EPC1: variants seen among roughly 807,000 people sequenced by gnomAD.
The protein encoded by EPC1 is enhancer of polycomb homolog 1.
EPC1 carries 12 observed loss-of-function variants against 98.4 expected under a neutral mutation model. That is an observed-to-expected ratio of 0.12 (90% confidence interval 0.08 to 0.20). The LOEUF (loss-of-function observed/expected upper bound fraction) is 0.20. Ranked by LOEUF, EPC1 falls within the 10% of genes least tolerant of loss-of-function variation. EPC1 has a pLI of 1.00. For synonymous variants in EPC1, 357 were observed against 363.9 expected (o/e 0.98, Z 0.21); for missense variants, 729 against 990.5 (o/e 0.74, Z 3.54).
chr10:32,309,369 CT>C (rs754879334), intron 1 of EPC1, among the ~76,000 whole-genome samples: 25 of 151,916 alleles, frequency 1.6e-4, no homozygotes, highest in Non-Finnish European at 3.7e-4. Context: ...TTGTATGCCC[CT>C]ATCAAAACAT....
chr10:32,271,960 T>C (rs755538367), intron 12 of EPC1, 43 bp from the exon 13 acceptor site: 10 of 1,600,864 alleles, frequency 6.2e-6, no homozygotes, highest in Admixed American at 3.5e-5. Context: ...TGTACAACTT[T>C]GCTGTTTATA....
In EPC1 at chr10:32,301,038, A is replaced by ATATTTATT. The variant is rs71299736; in HGVS notation, c.313+4733_313+4734insAATAAATA. 1.3e-3 allele frequency among the ~76,000 whole-genome samples: 189 copies of ATATTTATT among 143,106 alleles called. 2 individuals are homozygous for ATATTTATT. Among genetic ancestry groups the ATATTTATT allele is most frequent in the African/African-American group, 4.8e-3 (179 of 37,326 alleles). The allele number at this position is 143,106 out of a possible 152,430, so 93.9% of individuals were successfully genotyped here. A position where few individuals can be genotyped will look rare whatever the true frequency, so the allele number is the denominator to read the frequency against. ...AGAGGAAAGAATTAGAAGCACATTT[A>ATATTTATT]TATCTATCTATCTATCTATCTATCT... On this transcript the variant is annotated intron_variant, in intron 2 of 13. Coordinates refer to ENST00000319778, the MANE Select transcript of EPC1 (RefSeq NM_001272004.3).
At chr10:32,359,802 T>G (rs189042480) in intron 1 of EPC1, among the ~76,000 whole-genome samples, 15 of 152,332 alleles carry the variant, frequency 9.8e-5, no homozygotes, top group African/African-American at 3.6e-4. Flanking sequence ...ATAAAATTAA[T>G]TTATTTAAAA....
In EPC1 at chr10:32,343,543, T is replaced by C. The variant is rs140661364; in HGVS notation, c.153+3220A>G. 2.0e-3 allele frequency among the ~76,000 whole-genome samples: 304 copies of C among 152,336 alleles called. 2 individuals carry two copies. Among genetic ancestry groups the C allele is most frequent in the African/African-American group, 6.8e-3 (284 of 41,580 alleles). ...TACTTTCAGACTTAGCAAATTTCGA[T>C]GCATTACATTCTGCGAATTCACATT... On this transcript the variant is annotated intron_variant, in intron 1 of 13. Transcript: ENST00000319778.
intron 1 of EPC1, 88 bp downstream of exon 1, chr10:32,346,675 T>C: frequency 7.9e-7 from 1 of 1,270,662 alleles, no homozygotes; most frequent in East Asian, 2.4e-5. Context: ...ATGGCGGCCA[T>C]TTTGTGTGGG....
In EPC1 at chr10:32,271,898, G is replaced by A. The variant is rs1835864805; in HGVS notation, c.2025C>T (p.His675=). ...LPASGVYKGL[H]LSSTTPTALV... ...GTGCTGTTGGTGTAGTACTACTGAG[G>A]TGTAAGCCCTTGTATACTCCTAGAG... The change falls in exon 13 of 14, where the codon CAC becomes CAT. Residue 675 remains histidine, a synonymous_variant. Coordinates refer to ENST00000319778, the MANE Select transcript of EPC1 (RefSeq NM_001272004.3). 12 of 1,613,870 alleles carry A rather than the reference G, an allele frequency of 7.4e-6. No homozygotes were observed. The highest frequency in any genetic ancestry group is 1.0e-5 in the Non-Finnish European group (12 of 1,179,870).
chr10:32,308,392 A>AG (rs1324183464), intron 1 of EPC1, among the ~76,000 whole-genome samples: 1 of 151,858 alleles, frequency 6.6e-6, no homozygotes, highest in African/African-American at 2.4e-5. Flanking sequence ...TCTCAAAAAA[A>AG]AAAAGCATAC....
chr10:32,290,861 A>G (rs888974310), intron 6 of EPC1, among the ~76,000 whole-genome samples: 2 of 150,676 alleles, frequency 1.3e-5, no homozygotes, highest in African/African-American at 4.9e-5. Flanking sequence ...TGCAACCTCC[A>G]CCTCCTGGAT....
intron 10 of EPC1, chr10:32,282,692 T>C (rs914350578): frequency 2.0e-5 from 3 of 152,194 alleles, no homozygotes; most frequent in Admixed American, 2.0e-4. Flanking sequence ...TTAATATGCC[T>C]AAAGCAGTAT....
chr10:32,325,731 A>G (rs1222240091), intron 1 of EPC1, among the ~76,000 whole-genome samples: 2 of 152,130 alleles, frequency 1.3e-5, no homozygotes, highest in Non-Finnish European at 2.9e-5. Flanking sequence ...AAAAAGAGTA[A>G]TCACAATCTC....
intron 1 of EPC1, among the ~76,000 whole-genome samples, chr10:32,317,183 G>C (rs1171120725): frequency 6.6e-6 from 1 of 152,174 alleles, no homozygotes; most frequent in East Asian, 1.9e-4. Flanking sequence ...GAAGGTAGGA[G>C]TGAGATTTTT....
intron 1 of EPC1, chr10:32,377,370 A>G (rs775178089): frequency 6.6e-6 from 1 of 152,360 alleles, no homozygotes; most frequent in Non-Finnish European, 1.5e-5. Context: ...AAACTCAGAC[A>G]TTTGGTTAAA....
At chr10:32,292,294 A>C in intron 5 of EPC1, 1 of 360,084 alleles carries the variant, frequency 2.8e-6, no homozygotes, top group Non-Finnish European at 4.8e-6. Flanking sequence ...GTATGTTTTA[A>C]CTTAAGTGAA....
At chr10:32,323,209 T>A (rs1458149205) in intron 1 of EPC1, among the ~76,000 whole-genome samples, 1 of 152,158 alleles carries the variant, frequency 6.6e-6, no homozygotes, top group Non-Finnish European at 1.5e-5. Context: ...ATCTTACAGG[T>A]TTTTCTTCCT....
chr10:32,336,077 T>TC (rs112423697), intron 1 of EPC1, among the ~76,000 whole-genome samples: 2,960 of 151,686 alleles, frequency 0.02, 113 homozygotes, highest in African/African-American at 0.068. Context: ...CTTTTTTTTT[T>TC]TTTTTTTTGA....
upstream of EPC1, among the ~76,000 whole-genome samples, chr10:32,350,635 G>T (rs954322751): frequency 2.6e-5 from 4 of 152,114 alleles, no homozygotes; most frequent in African/African-American, 9.7e-5. Flanking sequence ...TAAGAACTTG[G>T]GTGGATGGAG....
chr10:32,353,115 A>G (rs1257195831), intron 1 of EPC1, among the ~76,000 whole-genome samples: 3 of 150,208 alleles, frequency 2.0e-5, no homozygotes, highest in East Asian at 2.0e-4. Flanking sequence ...AGATCGCGCC[A>G]TTGCACTCCA....
chr10:32,300,818 T>C (rs1835479576), intron 2 of EPC1, among the ~76,000 whole-genome samples: 2 of 152,154 alleles, frequency 1.3e-5, no homozygotes, highest in South Asian at 4.1e-4. Context: ...GAAACCCCTG[T>C]GTCTTCACGA....
chr10:32,322,163 G>T (rs1045090297), intron 1 of EPC1, among the ~76,000 whole-genome samples: 1 of 150,672 alleles, frequency 6.6e-6, no homozygotes, highest in Non-Finnish European at 1.5e-5. Context: ...TCTTAATCAC[G>T]CATTAGCCTT....
Sources: allele counts gnomAD v4.1 joint callset (sites outside exome capture counted in the v4.1 genomes callset), GRCh38; gene constraint gnomAD v4.1.1; transcripts MANE v1.5; gene names NCBI Gene and HGNC (gene_info 2026-07-23, HGNC 2026-07-21).